KIAA1217: variants seen among roughly 807,000 people sequenced by gnomAD.
The protein encoded by KIAA1217 is sickle tail protein homolog.
KIAA1217 carries 88 observed loss-of-function variants against 163.9 expected under a neutral mutation model. The observed-to-expected ratio is 0.54, with a 90% CI of 0.45 to 0.64. The LOEUF (loss-of-function observed/expected upper bound fraction) is 0.64, where lower values mean the gene tolerates loss of function less well. Among genes scored for constraint, KIAA1217 ranks in the 30% least tolerant of loss-of-function variants. The probability of loss-of-function intolerance (pLI) is 0.00; values close to 1 mark genes in which losing one functional copy is unlikely to be tolerated. For synonymous variants in KIAA1217, 903 were observed against 923.1 expected, an observed-to-expected ratio of 0.98 and a Z score of 0.39; for missense variants, 2,372 against 2,475.0, an observed-to-expected ratio of 0.96 and a Z score of 0.88.
chr10:24,519,241 T>G (rs1029032840), intron 10 of KIAA1217, among the ~76,000 whole-genome samples: 3 of 152,218 alleles, frequency 2.0e-5, no homozygotes, highest in Non-Finnish European at 2.9e-5. Context: ...TTTGAGATTT[T>G]TCTCCGTAGA....
intron 1 of KIAA1217, among the ~76,000 whole-genome samples, chr10:23,786,257 A>G (rs1835489179): frequency 6.6e-6 from 1 of 151,996 alleles, no homozygotes; most frequent in Admixed American, 6.6e-5. Context: ...AAGGACAGGG[A>G]GGATTTGGTT....
chr10:24,462,453 C>T (rs1000878506), intron 5 of KIAA1217, among the ~76,000 whole-genome samples: 2 of 152,136 alleles, frequency 1.3e-5, no homozygotes, highest in African/African-American at 4.8e-5. Flanking sequence ...TGAGGAACAT[C>T]GTTCTTTGCA....
chr10:24,008,252 G>T (rs190002423), intron 2 of KIAA1217, among the ~76,000 whole-genome samples: 2 of 152,114 alleles, frequency 1.3e-5, no homozygotes, highest in African/African-American at 4.8e-5. Flanking sequence ...TTGGTGTTTG[G>T]TTTAGTGAGC....
At chr10:24,234,411 C>T (rs2071892246) in intron 2 of KIAA1217, among the ~76,000 whole-genome samples, 1 of 151,992 alleles carries the variant, frequency 6.6e-6, no homozygotes, top group Admixed American at 6.6e-5. Flanking sequence ...TGCCTGTAAT[C>T]CCAACACTTT....
rs368605776 is a variant in KIAA1217, at chr10:23,827,357, C to A, written c.-321+132123C>A. ...CAGGCTGATAGTAAAATCTTAGGTACCTTTGTTTCCATTGATTTCTTGCAC... is the reference window on the plus strand; with the variant it reads ...CAGGCTGATAGTAAAATCTTAGGTAACTTTGTTTCCATTGATTTCTTGCAC... On this transcript the variant is annotated intron_variant, in intron 1 of 18. Coordinates refer to the KIAA1217 transcript ENST00000376462. 2.9e-4 allele frequency among the ~76,000 whole-genome samples: 44 copies of A among 152,258 alleles called. No homozygotes were observed. The East Asian group carries it at 6.6e-3, about 23-fold the overall frequency.
chr10:24,467,048 GT>G (rs147832944), intron 5 of KIAA1217, among the ~76,000 whole-genome samples: 4,603 of 149,366 alleles, frequency 0.031, 225 homozygotes, highest in African/African-American at 0.11. Context: ...TTTATACTAG[GT>G]TTTTTTTTTC....
Position 23,900,248 on chromosome 10 carries a change from C to T in KIAA1217, c.-320-106977C>T, listed in dbSNP as rs552273905. Among the ~76,000 whole-genome samples the T allele has an allele frequency of 7.4e-4, 112 of 152,146 alleles. 1 individual carries two copies. The highest frequency in any genetic ancestry group is 4.6e-4 in the Admixed American group (7 of 15,274). ...CTTGACCTCCTGACCTAAGGTGACCCGCCCACCTCAGCCTCTCAAAGTGCT... is the reference window on the plus strand; with the variant it reads ...CTTGACCTCCTGACCTAAGGTGACCTGCCCACCTCAGCCTCTCAAAGTGCT... On this transcript the variant is annotated intron_variant, in intron 1 of 18. Transcript: ENST00000376462.
chr10:24,129,596 T>C (rs1181513354), intron 2 of KIAA1217, among the ~76,000 whole-genome samples: 2 of 152,148 alleles, frequency 1.3e-5, no homozygotes, highest in African/African-American at 4.8e-5. Flanking sequence ...TTAATCTTGA[T>C]TTTAAACAGC....
chr10:23,933,293 C>T (rs1843334493), intron 1 of KIAA1217, among the ~76,000 whole-genome samples: 1 of 152,132 alleles, frequency 6.6e-6, no homozygotes, highest in African/African-American at 2.4e-5. Flanking sequence ...AGGACAATGC[C>T]ATCTTTACCG....
chr10:24,069,547 A>C (rs1038793479), intron 2 of KIAA1217, among the ~76,000 whole-genome samples: 13 of 152,188 alleles, frequency 8.5e-5, no homozygotes, highest in Non-Finnish European at 1.5e-4. Flanking sequence ...CCTCCTGAAG[A>C]AACTGGGAGC....
intron 1 of KIAA1217, among the ~76,000 whole-genome samples, chr10:23,974,839 A>T (rs1845472259): frequency 6.6e-6 from 1 of 151,680 alleles, no homozygotes; most frequent in Non-Finnish European, 1.5e-5. Context: ...CTTTCTCCCT[A>T]CTTTATAATA....
intron 2 of KIAA1217, among the ~76,000 whole-genome samples, chr10:24,092,928 T>TGTGTGTGTG (rs548350322): frequency 3.3e-4 from 46 of 141,068 alleles, no homozygotes; most frequent in Admixed American, 9.8e-4. Flanking sequence ...TGTGTGTGTG[T>TGTGTGTGTG]TGTGTGTGTG....
chr10:24,308,328 ATGC>A (rs2042240834), intron 2 of KIAA1217, among the ~76,000 whole-genome samples: 3 of 152,242 alleles, frequency 2.0e-5, no homozygotes, highest in Admixed American at 1.3e-4. Context: ...GTTAGATAAT[ATGC>A]TGGCTAGACC....
At chr10:24,430,210 C>A (rs2059483962) in intron 3 of KIAA1217, among the ~76,000 whole-genome samples, 2 of 152,154 alleles carry the variant, frequency 1.3e-5, no homozygotes, top group Non-Finnish European at 2.9e-5. Flanking sequence ...TAGAGAGGAC[C>A]CTCCAGTGTC....
intron 2 of KIAA1217, among the ~76,000 whole-genome samples, chr10:24,030,226 T>C (rs962649998): frequency 2.0e-5 from 3 of 152,196 alleles, no homozygotes; most frequent in Admixed American, 6.5e-5. Context: ...TTGTCATTGA[T>C]ATAGTTTCGC....
chr10:23,847,768 T>C (rs966142925), intron 1 of KIAA1217, among the ~76,000 whole-genome samples: 1 of 152,090 alleles, frequency 6.6e-6, no homozygotes, highest in African/African-American at 2.4e-5. Flanking sequence ...GTTTTTGAAT[T>C]TGTTTGCTCT....
intron 2 of KIAA1217, among the ~76,000 whole-genome samples, chr10:24,325,371 G>A (rs1483505852): frequency 6.6e-6 from 1 of 152,158 alleles, no homozygotes; most frequent in African/African-American, 2.4e-5. Context: ...ATTATTAGGG[G>A]GAATTATGGA....
chr10:24,133,614 C>A (rs977480291), intron 2 of KIAA1217, among the ~76,000 whole-genome samples: 7 of 151,830 alleles, frequency 4.6e-5, no homozygotes, highest in African/African-American at 1.7e-4. Context: ...TCTTATCTCT[C>A]TTCTTTACTT....
At chr10:24,194,217 G>A (rs1037397616) in intron 2 of KIAA1217, among the ~76,000 whole-genome samples, 19 of 151,266 alleles carry the variant, frequency 1.3e-4, no homozygotes, top group Admixed American at 3.3e-4. Flanking sequence ...AATCTCCAAG[G>A]AGCCTATAAA....
Sources: allele counts gnomAD v4.1 joint callset (sites outside exome capture counted in the v4.1 genomes callset), GRCh38; gene constraint gnomAD v4.1.1; transcripts MANE v1.5; gene names NCBI Gene and HGNC (gene_info 2026-07-23, HGNC 2026-07-21).